LIMCH1: variants seen among roughly 807,000 people sequenced by gnomAD.
The protein encoded by LIMCH1 is LIM and calponin homology domains 1, also known as LIM and calponin homology domains-containing protein 1.
A neutral mutation model predicts 176.5 loss-of-function variants in LIMCH1; 113 were observed. The ratio of observed to expected loss-of-function variants is 0.64; its 90% CI spans 0.55 to 0.75. The LOEUF is 0.75. Ranked by LOEUF, LIMCH1 falls within the 30% of genes least tolerant of loss-of-function variation. The pLI is 0.00. For synonymous variants in LIMCH1, 619 were observed against 645.9 expected, an observed-to-expected ratio of 0.96 and a Z score of 0.63; for missense variants, 1,674 against 1,814.9, an observed-to-expected ratio of 0.92 and a Z score of 1.41.
chr4:41,384,456 C>T (rs1469841164), intron 1 of LIMCH1, among the ~76,000 whole-genome samples: 1 of 152,112 alleles, frequency 6.6e-6, no homozygotes, highest in Non-Finnish European at 1.5e-5. Context: ...GATCCACCCG[C>T]CTCGGCCTCC....
At chr4:41,595,336 G>C (rs1265373489) in intron 1 of LIMCH1, among the ~76,000 whole-genome samples, 1 of 152,154 alleles carries the variant, frequency 6.6e-6, no homozygotes, top group African/African-American at 2.4e-5. Context: ...TCAGAATAAG[G>C]CACCTGGAAA....
intron 1 of LIMCH1, among the ~76,000 whole-genome samples, chr4:41,580,990 T>G (rs527956706): frequency 1.3e-5 from 2 of 152,278 alleles, no homozygotes; most frequent in East Asian, 3.9e-4. Context: ...TACCAATTAC[T>G]GTAGAAGATA....
Position 41,417,147 on chromosome 4 carries a change from CTA to C in LIMCH1, c.96+56213_96+56214del, listed in dbSNP as rs2060016895. 5.3e-5 allele frequency among the ~76,000 whole-genome samples: 8 copies of C among 150,918 alleles called. No homozygotes were observed. In the South Asian group the frequency reaches 1.5e-3, roughly 28 times the overall value. On this transcript the variant is annotated intron_variant, in intron 1 of 26. Coordinates refer to the LIMCH1 transcript ENST00000313860. ...GCATTGTTTCTTTGTGAGGGGTTAT[CTA>C]TGCTATAGGCATTGTTTCTTTGTGA...
intron 1 of LIMCH1, among the ~76,000 whole-genome samples, chr4:41,474,358 G>C (rs2067418754): frequency 6.6e-6 from 1 of 152,002 alleles, no homozygotes; most frequent in South Asian, 2.1e-4. Flanking sequence ...GTGGTGGCAG[G>C]CACCTGTAGT....
chr4:41,509,911 G>A (rs1446597500), intron 2 of LIMCH1, among the ~76,000 whole-genome samples: 1 of 152,134 alleles, frequency 6.6e-6, no homozygotes, highest in Non-Finnish European at 1.5e-5. Flanking sequence ...GTCTACTCTG[G>A]GAGCTCTTGT....
At chr4:41,556,631 C>A (rs2081307454) in intron 1 of LIMCH1, among the ~76,000 whole-genome samples, 1 of 152,062 alleles carries the variant, frequency 6.6e-6, no homozygotes, top group African/African-American at 2.4e-5. Flanking sequence ...GAAACTGAGA[C>A]TTAGATGAAT....
At chr4:41,421,911 C>T (rs888762993) in intron 1 of LIMCH1, among the ~76,000 whole-genome samples, 5 of 151,922 alleles carry the variant, frequency 3.3e-5, no homozygotes, top group Admixed American at 6.6e-5. Flanking sequence ...GGTGAAACCT[C>T]GTCTCTACTA....
intron 1 of LIMCH1, among the ~76,000 whole-genome samples, chr4:41,429,980 G>A (rs1201613606): frequency 6.6e-6 from 1 of 152,206 alleles, no homozygotes; most frequent in Non-Finnish European, 1.5e-5. Flanking sequence ...AAGTCAAATG[G>A]CCATGCCTAA....
Position 41,444,313 on chromosome 4 carries a change from TACACACACACACAC to T in LIMCH1, c.97-50195_97-50182del, listed in dbSNP as rs71198657. Among the ~76,000 whole-genome samples, 1,314 of 134,198 alleles carry T rather than the reference TACACACACACACAC, an allele frequency of 9.8e-3. 18 individuals are homozygous for T. The highest frequency in any genetic ancestry group is 0.034 in the African/African-American group (1,041 of 30,978). 88.0% of individuals were successfully genotyped at this position (134,198 alleles called of 152,430 possible). A position where few individuals can be genotyped will look rare whatever the true frequency, so the allele number is the denominator to read the frequency against. ...GTGTGTGAGTGTGTGTGTATATATA[TACACACACACACAC>T]ACACACACACACACACACACACACA... is the stretch of plus-strand genomic sequence containing the variant. On this transcript the variant is annotated intron_variant, in intron 1 of 26. Transcript: ENST00000313860.
intron 2 of LIMCH1, chr4:41,524,283 T>A: frequency 1.3e-6 from 1 of 755,368 alleles, no homozygotes; most frequent in Non-Finnish European, 2.4e-6. Flanking sequence ...ATTATTGAGA[T>A]TTACTATATG....
At chr4:41,553,885 A>G (rs546962708) in intron 1 of LIMCH1, among the ~76,000 whole-genome samples, 19 of 152,038 alleles carry the variant, frequency 1.2e-4, no homozygotes, top group Admixed American at 2.0e-4. Context: ...CTGTTATCTC[A>G]ATGTATAGTG....
chr4:41,520,930 A>C (rs2076060646), intron 2 of LIMCH1, among the ~76,000 whole-genome samples: 1 of 152,122 alleles, frequency 6.6e-6, no homozygotes, highest in Admixed American at 6.5e-5. Context: ...ACAGGCAGGA[A>C]GTTGGCATAG....
In LIMCH1 at chr4:41,689,598, A is replaced by G. The variant is rs1330899450; in HGVS notation, c.4238A>G (p.Glu1413Gly). The G allele has an allele frequency of 6.2e-7, 1 of 1,612,030 alleles. No individual in the cohort carries two copies. The highest frequency in any genetic ancestry group is 1.7e-4 in the Middle Eastern group (1 of 6,050). The change falls in exon 30 of 32, where the codon GAG (glutamate) becomes GGG (glycine). Residue 1413 changes from glutamate to glycine, a missense_variant. By Grantham distance (98) the Glu-to-Gly change is moderately conservative. Around this residue, in one of 3 missense-constraint regions of LIMCH1, gnomAD observed 1,015 missense variants for 1,102.5 expected, o/e 0.92. Transcript: ENST00000503057. ...PLGKGAAMII[E>G]TLNLYFHIQC... ...GGTAAAGGAGCTGCAATGATCATCGAGACCCTCAATCTCTATTTTCACATC... is the reference window on the plus strand; with the variant it reads ...GGTAAAGGAGCTGCAATGATCATCGGGACCCTCAATCTCTATTTTCACATC...
At chr4:41,504,529 C>T (rs1339234239) in intron 2 of LIMCH1, among the ~76,000 whole-genome samples, 3 of 152,354 alleles carry the variant, frequency 2.0e-5, no homozygotes, top group African/African-American at 4.8e-5. Context: ...GCTTCCCACT[C>T]GTGGGAGCAA....
chr4:41,517,924 G>T lies in LIMCH1; in HGVS notation c.168-6485G>T, dbSNP rs191606459. Among the ~76,000 whole-genome samples the T allele has an allele frequency of 1.3e-3, 199 of 152,220 alleles. 1 individual carries two copies. The highest frequency in any genetic ancestry group is 4.5e-3 in the African/African-American group (187 of 41,556). On this transcript the variant is annotated intron_variant, in intron 2 of 26. Coordinates refer to the LIMCH1 transcript ENST00000313860. ...TGAGCCAAATTAAAAGGGACACAAA[G>T]TGGGTAATTTTGTGATCATAGTTGC...
chr4:41,380,374 T>C (rs988892369), intron 1 of LIMCH1, among the ~76,000 whole-genome samples: 1 of 152,068 alleles, frequency 6.6e-6, no homozygotes, highest in East Asian at 1.9e-4. Context: ...CTTGATCTCC[T>C]CCTGGCCTCA....
chr4:41,622,674 A>T (rs966506615), intron 7 of LIMCH1, among the ~76,000 whole-genome samples: 1 of 152,178 alleles, frequency 6.6e-6, no homozygotes, highest in Admixed American at 6.5e-5. Context: ...TTTTATGACA[A>T]CTCCCATTCA....
chr4:41,530,822 T>TAAAAAAAAAAAAAA (rs1345989713), intron 3 of LIMCH1, among the ~76,000 whole-genome samples: 3 of 73,778 alleles, frequency 4.1e-5, no homozygotes, highest in African/African-American at 2.7e-4. Context: ...AAAAAAAATT[T>TAAAAAAAAAAAAAA]TTTTTTTTTT....
intron 4 of LIMCH1, chr4:41,612,811 G>T: frequency 9.5e-7 from 1 of 1,056,788 alleles, no homozygotes. Flanking sequence ...ATTCTTCTGA[G>T]GCATCAGGAA....
Sources: allele counts gnomAD v4.1 joint callset (sites outside exome capture counted in the v4.1 genomes callset), GRCh38; gene constraint gnomAD v4.1.1; regional missense constraint gnomAD v4.1.1; transcripts MANE v1.5; gene names NCBI Gene and HGNC (gene_info 2026-07-23, HGNC 2026-07-21).